The following ADGRL2 variants were observed in gnomAD, a reference collection of about 807,000 sequenced individuals.
ADGRL2 encodes adhesion G protein-coupled receptor L2, also known as calcium-independent alpha-latrotoxin receptor 2.
Under a neutral mutation model 157.4 loss-of-function variants are expected in ADGRL2, and 44 were observed. The observed-to-expected ratio is 0.28, with a 90% CI of 0.22 to 0.36. The LOEUF is 0.36. ADGRL2 is among the 10% of genes least tolerant of loss of function. The probability of loss-of-function intolerance (pLI) is 1.00; values close to 1 mark genes in which losing one functional copy is unlikely to be tolerated. For synonymous variants in ADGRL2, 585 were observed against 624.7 expected, an observed-to-expected ratio of 0.94 and a Z score of 0.95; for missense variants, 1,510 against 1,768.9, an observed-to-expected ratio of 0.85 and a Z score of 2.63.
intron 2 of ADGRL2, among the ~76,000 whole-genome samples, chr1:81,525,676 G>A (rs1185628239): frequency 6.6e-6 from 1 of 152,088 alleles, no homozygotes; most frequent in Non-Finnish European, 1.5e-5. Flanking sequence ...ATTTTCAGTG[G>A]TATCGTGTTG....
intron 1 of ADGRL2, among the ~76,000 whole-genome samples, chr1:81,805,525 A>T (rs1474909830): frequency 2.0e-5 from 3 of 152,084 alleles, no homozygotes; most frequent in Non-Finnish European, 4.4e-5. Flanking sequence ...TTCCAATATA[A>T]CAATTTCAGA....
chr1:81,759,037 TAC>T (rs1372087587), intron 1 of ADGRL2, among the ~76,000 whole-genome samples: 1 of 152,154 alleles, frequency 6.6e-6, no homozygotes, highest in Non-Finnish European at 1.5e-5. Context: ...ACATTTTGAA[TAC>T]AGTCTGCTAA....
rs189793626 is a variant in ADGRL2 at position 81,319,147 on chromosome 1, A to C, written c.-302+12638A>C. 5.6e-3 allele frequency among the ~76,000 whole-genome samples: 838 copies of C among 150,060 alleles called. 10 individuals carry two copies. Among genetic ancestry groups the C allele is most frequent in the African/African-American group, 0.019 (787 of 40,696 alleles). On this transcript the variant is annotated intron_variant, in intron 1 of 24. Coordinates refer to the ADGRL2 transcript ENST00000370721. ...TTTTTAGTAGAGACGGGGTTTCTCC[A>C]TGTTGGTCAGGCTGGTCTTGAACTC...
chr1:81,621,314 G>T (rs1051751791), intron 3 of ADGRL2, among the ~76,000 whole-genome samples: 1 of 152,114 alleles, frequency 6.6e-6, no homozygotes, highest in Non-Finnish European at 1.5e-5. Context: ...CCAGTGTTAC[G>T]ACCTCTCTCT....
chr1:81,805,032 G>C (rs1383913494), intron 1 of ADGRL2, among the ~76,000 whole-genome samples: 5 of 152,042 alleles, frequency 3.3e-5, no homozygotes, highest in Non-Finnish European at 5.9e-5. Context: ...AAATTTTTGT[G>C]AATTCTATTT....
rs763563893 is a variant in ADGRL2, at chr1:81,984,565, T to C, written c.3283-18T>C. The C allele has an allele frequency of 2.5e-6, 4 of 1,580,022 alleles. No homozygotes were observed. The highest frequency in any genetic ancestry group is 3.5e-6 in the Non-Finnish European group (4 of 1,156,176). The stretch of plus-strand genomic sequence containing the variant: ...GTGTGTTATATTAATCCCTTGGTCT[T>C]GTGATTATTCAATGCAGGTACGAAA... On this transcript the variant is annotated intron_variant, in intron 19 of 23. Transcript: ENST00000686636.
chr1:81,549,698 C>A (rs1225738414), intron 2 of ADGRL2, among the ~76,000 whole-genome samples: 2 of 152,162 alleles, frequency 1.3e-5, no homozygotes. Flanking sequence ...TAAACAAGAT[C>A]ACGGGATGAG....
At chr1:81,443,586 A>G (rs555829653) in intron 1 of ADGRL2, among the ~76,000 whole-genome samples, 78 of 152,150 alleles carry the variant, frequency 5.1e-4, no homozygotes, top group Non-Finnish European at 9.1e-4. Context: ...CCTACACACT[A>G]CTTAGTTAGG....
intron 3 of ADGRL2, among the ~76,000 whole-genome samples, chr1:81,666,631 G>A (rs763071633): frequency 9.2e-5 from 14 of 152,030 alleles, no homozygotes; most frequent in African/African-American, 1.7e-4. Flanking sequence ...TCTGTTTGGC[G>A]GCTCCTATGA....
chr1:81,346,877 C>T (rs775749987), intron 1 of ADGRL2, among the ~76,000 whole-genome samples: 1 of 152,020 alleles, frequency 6.6e-6, no homozygotes, highest in Non-Finnish European at 1.5e-5. Flanking sequence ...TAACAAATAC[C>T]TAAAAATGTG....
At chr1:81,684,534 T>A (rs2083191102) in intron 3 of ADGRL2, among the ~76,000 whole-genome samples, 1 of 152,204 alleles carries the variant, frequency 6.6e-6, no homozygotes, top group South Asian at 2.1e-4. Context: ...TGGATATTAG[T>A]CATTTGTCAG....
At chr1:81,573,772 G>A (rs1475297179) in intron 2 of ADGRL2, among the ~76,000 whole-genome samples, 1 of 152,112 alleles carries the variant, frequency 6.6e-6, no homozygotes, top group East Asian at 1.9e-4. Context: ...TGCAGTATTT[G>A]CCTCCACATC....
At chr1:81,924,689 G>A (rs1456742575) in intron 3 of ADGRL2, among the ~76,000 whole-genome samples, 2 of 152,006 alleles carry the variant, frequency 1.3e-5, no homozygotes, top group South Asian at 2.1e-4. Flanking sequence ...CAGGTTGAGG[G>A]GTGATTGAGG....
At chr1:81,757,399 C>A (rs2085728552) in intron 1 of ADGRL2, among the ~76,000 whole-genome samples, 2 of 152,226 alleles carry the variant, frequency 1.3e-5, no homozygotes, top group South Asian at 4.1e-4. Flanking sequence ...AATAGTCAGA[C>A]AAAATTGAAA....
At chr1:81,725,338 G>T (rs1258534591) in intron 1 of ADGRL2, among the ~76,000 whole-genome samples, 1 of 151,686 alleles carries the variant, frequency 6.6e-6, no homozygotes, top group Non-Finnish European at 1.5e-5. Context: ...AGGAATTTGA[G>T]ACCAGTCTGG....
At chr1:81,452,966 G>T (rs748263146) in intron 2 of ADGRL2, among the ~76,000 whole-genome samples, 24 of 152,176 alleles carry the variant, frequency 1.6e-4, no homozygotes, top group Non-Finnish European at 3.1e-4. Flanking sequence ...CATCAAGGCA[G>T]ATATTGCCAG....
chr1:81,635,103 C>T (rs905394850), intron 3 of ADGRL2, among the ~76,000 whole-genome samples: 5 of 152,092 alleles, frequency 3.3e-5, no homozygotes, highest in African/African-American at 7.2e-5. Flanking sequence ...TAGGATGATC[C>T]GGAGTTAAGT....
At chr1:81,320,176 A>G (rs1015454769) in intron 1 of ADGRL2, among the ~76,000 whole-genome samples, 6 of 152,222 alleles carry the variant, frequency 3.9e-5, no homozygotes, top group African/African-American at 1.4e-4. Context: ...CTTCTCATCC[A>G]TTCAAGTTTT....
chr1:81,646,023 A>C (rs1488303908), intron 3 of ADGRL2, among the ~76,000 whole-genome samples: 1 of 152,178 alleles, frequency 6.6e-6, no homozygotes, highest in African/African-American at 2.4e-5. Context: ...CTAAGGGATA[A>C]AAATGTTAAT....
Sources: gnomAD v4.1 joint callset for allele counts (sites outside exome capture counted in the v4.1 genomes callset) on GRCh38, gnomAD v4.1.1 for gene constraint, MANE v1.5 for transcripts, NCBI Gene and HGNC (gene_info 2026-07-23, HGNC 2026-07-21) for gene names.